The following GDF9 variants were observed in gnomAD, a reference collection of about 807,000 sequenced individuals.
The protein encoded by GDF9 is growth differentiation factor 9.
In GDF9, 30 loss-of-function variants were observed where a neutral mutation model predicts 33.8. That is an observed-to-expected ratio of 0.89 (90% CI 0.66 to 1.20). GDF9 has a LOEUF of 1.20. Among genes scored for constraint, GDF9 ranks in the 50% most tolerant of loss-of-function variants. The probability of loss-of-function intolerance (pLI) is 0.00; values close to 1 mark genes in which losing one functional copy is unlikely to be tolerated. For synonymous variants in GDF9, 205 were observed against 200.7 expected (o/e 1.02, Z -0.18); for missense variants, 556 against 543.7 (o/e 1.02, Z -0.22).
chr5:132,864,102 C>T, intron 1 of GDF9, 35 bp downstream of exon 1: 2 of 1,606,298 alleles, frequency 1.2e-6, no homozygotes, highest in South Asian at 2.2e-5. Context: ...CTATCATCTT[C>T]CCTCCACCCA....
At position 132,864,657 on chromosome 5, in the gene GDF9, T is replaced by C; in HGVS notation, c.-124A>G. ...TGTGGGTGGACTACGGTCACTTCTG[T>C]AATCAGGCCTCAAGTATGCCTAGCT... On this transcript the variant is annotated 5_prime_UTR_variant, in exon 1 of 2. Coordinates refer to ENST00000687138, the MANE Select transcript of GDF9 (RefSeq NM_005260.7). The C allele has an allele frequency of 2.2e-6, 2 of 916,112 alleles. No homozygotes were observed. Among genetic ancestry groups the C allele is most frequent in the South Asian group, 2.8e-5 (2 of 71,142 alleles). The allele number at this position is 916,112 out of a possible 1,614,324, so 56.7% of individuals were successfully genotyped here. A position where few individuals can be genotyped will look rare whatever the true frequency, so the allele number is the denominator to read the frequency against.
chr5:132,866,568 CAGTAGGAAAATGGT>C (rs1448467389), upstream of GDF9: 13 of 453,012 alleles, frequency 2.9e-5, no homozygotes, highest in Non-Finnish European at 4.9e-5. Context: ...CCCTTAGAGA[CAGTAGGAAAATGGT>C]ATCTCCCGGA....
chr5:132,866,625 A>T, upstream of GDF9: 1 of 575,270 alleles, frequency 1.7e-6, no homozygotes, highest in Admixed American at 3.1e-5. Context: ...GCGGCTTCCA[A>T]CCTTGCCGGA....
chr5:132,863,482 C>T (rs530848987), intron 1 of GDF9, among the ~76,000 whole-genome samples: 14 of 150,758 alleles, frequency 9.3e-5, no homozygotes, highest in Non-Finnish European at 1.2e-4. Context: ...GCTCTGTTGC[C>T]GGGCTGGAGA....
rs1759569580 is a variant in GDF9, at chr5:132,865,853, C to T, written c.-1320G>A. ...GCACTTCAGGGAAAACATAATAAGGCCTCTCACCCGACTTTCCTTGCTTCT... is the reference window on the plus strand; with the variant it reads ...GCACTTCAGGGAAAACATAATAAGGTCTCTCACCCGACTTTCCTTGCTTCT... On this transcript the variant is annotated 5_prime_UTR_variant, in exon 1 of 2. Coordinates refer to ENST00000687138, the MANE Select transcript of GDF9 (RefSeq NM_005260.7). 6.6e-6 allele frequency among the ~76,000 whole-genome samples: 1 copy of T among 152,086 alleles called. No individual in the cohort carries two copies. Among genetic ancestry groups the T allele is most frequent in the South Asian group, 2.1e-4 (1 of 4,824 alleles).
chr5:132,866,620 T>A (rs1200010279), upstream of GDF9: 3 of 569,346 alleles, frequency 5.3e-6, no homozygotes, highest in Non-Finnish European at 9.4e-6. Context: ...CAAGAGCGGC[T>A]TCCAACCTTG....
rs1448827828 is a variant in GDF9 at position 132,861,727 on chromosome 5, C to T, written c.1227G>A (p.Lys409=). ...HTMVQNIIYE[K]LDSSVPRPSC... is the part of the protein sequence containing the mutation. ...ACGGTCTTGGCACTGAGGAGTCCAG[C>T]TTCTCATAGATGATGTTCTGTACCA... The change falls in exon 2 of 2, where the codon AAG becomes AAA. Residue 409 remains lysine, a synonymous_variant. Coordinates refer to ENST00000687138, the MANE Select transcript of GDF9 (RefSeq NM_005260.7). The T allele has an allele frequency of 1.2e-6, 2 of 1,613,120 alleles. No individual in the cohort carries two copies. Among genetic ancestry groups the T allele is most frequent in the Non-Finnish European group, 1.7e-6 (2 of 1,179,146 alleles).
At chr5:132,862,681 C>CA (rs373936085) in intron 1 of GDF9, 125 bp from the exon 2 acceptor site, 51,579 of 455,962 alleles carry the variant, frequency 0.11, 42 homozygotes, top group Middle Eastern at 0.18. Context: ...TCTCAAGCCT[C>CA]AAAAAAAAAA....
chr5:132,863,320 G>C (rs781070636), intron 1 of GDF9, among the ~76,000 whole-genome samples: 1 of 152,044 alleles, frequency 6.6e-6, no homozygotes, highest in Non-Finnish European at 1.5e-5. Flanking sequence ...AGTTAATTTA[G>C]AACACTTGAG....
rs1248360235 is a variant in GDF9 at position 132,864,258 on chromosome 5, G to A, written c.276C>T (p.Leu92=). ...DSRALHYMKK[L]YKTYATKEGI... ...CTTCCTTGGTAGCATATGTCTTATA[G>A]AGCTTCTTCATGTAGTGCAAAGCTC... is the stretch of plus-strand genomic sequence containing the variant. The change falls in exon 1 of 2, where the codon CTC becomes CTT. Residue 92 remains leucine (L), a synonymous_variant. Transcript: ENST00000687138. The A allele has an allele frequency of 1.9e-6, 3 of 1,614,204 alleles. No individual in the cohort carries two copies. The highest frequency in any genetic ancestry group is 1.1e-5 in the South Asian group (1 of 91,084).
chr5:132,866,559 C>T (rs1407765095), upstream of GDF9: 7 of 416,094 alleles, frequency 1.7e-5, no homozygotes, highest in Non-Finnish European at 3.1e-5. Context: ...AGGCGTCATC[C>T]CTTAGAGACA....
In GDF9 at chr5:132,865,505, G is replaced by A. The variant is rs1759547346; in HGVS notation, c.-972C>T. The A allele has an allele frequency of 6.6e-6, 1 of 152,152 alleles. No individual in the cohort carries two copies. The highest frequency in any genetic ancestry group is 2.4e-5 in the African/African-American group (1 of 41,414). The allele number at this position is 152,152 out of a possible 1,614,324, so 9.4% of individuals were successfully genotyped here. ...TTATGGTTTAAAAAAATGAGGCAAA[G>A]GAGCACCATGAAAAGCTGAAATGAG... On this transcript the variant is annotated 5_prime_UTR_variant, in exon 1 of 2. Transcript: ENST00000687138.
In GDF9 at chr5:132,864,399, C is replaced by A. The variant is rs745472121; in HGVS notation, c.135G>T (p.Met45Ile). The A allele has an allele frequency of 5.0e-6, 8 of 1,613,846 alleles. No homozygotes were observed. Among genetic ancestry groups the A allele is most frequent in the East Asian group, 2.2e-5 (1 of 44,886 alleles). The change falls in exon 1 of 2, where the codon ATG becomes ATT. Residue 45 changes from methionine (M) to isoleucine (I), a missense_variant. Physicochemically the swap from Met to Ile is conservative, Grantham distance 10. Coordinates refer to ENST00000687138, the MANE Select transcript of GDF9 (RefSeq NM_005260.7). The stretch of plus-strand genomic sequence containing the variant: ...CTATATGCTGCAGCAAGGACCAAGG[C>A]ATAGCCCCAGATTCCAACTCAGCAC... Reference protein sequence around the residue: ...AASAELESGAMPWSLLQHIDE... With the variant: ...AASAELESGAIPWSLLQHIDE...
In GDF9 at chr5:132,862,512, T is replaced by A; in HGVS notation, c.442A>T (p.Thr148Ser). 1 of 1,609,960 alleles carries A rather than the reference T, an allele frequency of 6.2e-7. No homozygotes were observed. Among genetic ancestry groups the A allele is most frequent in the Non-Finnish European group, 8.5e-7 (1 of 1,177,980 alleles). ...VELLFNLDRI[T>S]TVEHLLKSVL... is the part of the protein sequence containing the mutation. ...GACTTGAGTAAGTGTTCAACGGTAGTAATGCGATCCAGGTTAAATAGCAGT... is the reference window on the plus strand; with the variant it reads ...GACTTGAGTAAGTGTTCAACGGTAGAAATGCGATCCAGGTTAAATAGCAGT... Residue 148 changes from threonine to serine, a missense_variant, in exon 2 of 2, where the codon ACT becomes TCT. By Grantham distance (58) the Thr-to-Ser change is moderately conservative. Transcript: ENST00000687138.
At chr5:132,864,057 C>A in intron 1 of GDF9, 80 bp downstream of exon 1, 3 of 1,415,546 alleles carry the variant, frequency 2.1e-6, no homozygotes, top group Non-Finnish European at 3.0e-6. Flanking sequence ...AGGAACTAGG[C>A]TCAGCTCCTT....
Position 132,864,602 on chromosome 5 carries a change from T to C in GDF9, c.-69A>G. ...CTCTTCCTAAAGGCCAGGAAGAGCC[T>C]AGCTTGGTCTCTTAAATAAATTTCA... On this transcript the variant is annotated 5_prime_UTR_variant, in exon 1 of 2. Transcript: ENST00000687138. 2 of 1,513,178 alleles carry C rather than the reference T, an allele frequency of 1.3e-6. No homozygotes were observed. The highest frequency in any genetic ancestry group is 1.8e-6 in the Non-Finnish European group (2 of 1,103,934). 93.7% of individuals were successfully genotyped at this position (1,513,178 alleles called of 1,614,324 possible). A position where few individuals can be genotyped will look rare whatever the true frequency, so the allele number is the denominator to read the frequency against.
At position 132,864,523 on chromosome 5, in the gene GDF9, G is replaced by C. The variant is rs1451819969; in HGVS notation, c.11C>G (p.Pro4Arg). Residue 4 changes from proline (P) to arginine (R), a missense_variant, in exon 1 of 2, where the codon CCC becomes CGC. By Grantham distance (103) the Pro-to-Arg change is moderately radical (BLOSUM62 -2). Coordinates refer to ENST00000687138, the MANE Select transcript of GDF9 (RefSeq NM_005260.7). ...GCAAAACCAAAGGAGGAATTTGTTG[G>C]GACGTGCCATGGCTTGGGAGAACTA... Reference protein sequence around the residue: MARPNKFLLWFCCF... With the variant: MARRNKFLLWFCCF... 1 of 1,607,638 alleles carries C rather than the reference G, an allele frequency of 6.2e-7. No individual in the cohort carries two copies. The highest frequency in any genetic ancestry group is 1.1e-5 in the South Asian group (1 of 91,076).
At position 132,861,477 on chromosome 5, in the gene GDF9, T is replaced by C. The variant is rs577391809; in HGVS notation, c.*112A>G. ...TAACCTACACAGGCTCCTCTTTATA[T>C]AACATATGCTACATTTAGAGACTTA... On this transcript the variant is annotated 3_prime_UTR_variant, in exon 2 of 2. Transcript: ENST00000687138. 91 of 912,216 alleles carry C rather than the reference T, an allele frequency of 1.0e-4. 1 individual carries two copies. In the African/African-American group the frequency reaches 1.2e-3, roughly 12 times the overall value. The allele number at this position is 912,216 out of a possible 1,614,324, so 56.5% of individuals were successfully genotyped here.
rs765668045 is a variant in GDF9 at position 132,862,053 on chromosome 5, G to A, written c.901C>T (p.Pro301Ser). The A allele has an allele frequency of 6.2e-7, 1 of 1,613,728 alleles. No homozygotes were observed. Among genetic ancestry groups the A allele is most frequent in the Non-Finnish European group, 8.5e-7 (1 of 1,179,722 alleles). ...PDQERSLSAY[P>S]VGEEAAEDGR... ...TCCTCAGCAGCCTCTTCTCCCACAG[G>A]ATAGGCAGACAGACTTCTCTCCTGG... The change falls in exon 2 of 2, where the codon CCT (proline) becomes TCT (serine). Residue 301 changes from proline to serine, a missense_variant. Pro to Ser is a moderately conservative substitution (Grantham distance 74). Coordinates refer to ENST00000687138, the MANE Select transcript of GDF9 (RefSeq NM_005260.7).
Sources: allele counts gnomAD v4.1 joint callset (sites outside exome capture counted in the v4.1 genomes callset), GRCh38; gene constraint gnomAD v4.1.1; transcripts MANE v1.5; gene names NCBI Gene and HGNC (gene_info 2026-07-23, HGNC 2026-07-21).